LRP1B: variants seen among roughly 807,000 people sequenced by gnomAD.
LRP1B encodes low-density lipoprotein receptor-related protein 1B.
In LRP1B, 217 loss-of-function variants were observed where a neutral mutation model predicts 556.6. That is an observed-to-expected ratio of 0.39 (90% CI 0.35 to 0.44). The LOEUF (loss-of-function observed/expected upper bound fraction) is 0.44, where lower values mean the gene tolerates loss of function less well. Among genes scored for constraint, LRP1B ranks in the 20% least tolerant of loss-of-function variants. LRP1B has a pLI of 1.00. For synonymous variants in LRP1B, 2,047 were observed against 1,865.8 expected (o/e 1.10, Z -2.50); for missense variants, 5,053 against 5,620.8 (o/e 0.90, Z 3.23).
At position 141,170,264 on chromosome 2, in the gene LRP1B, G is replaced by A. The variant is rs1274225860; in HGVS notation, c.1013+18157C>T. Among the ~76,000 whole-genome samples, 6 of 152,146 alleles carry A rather than the reference G, an allele frequency of 3.9e-5. No homozygotes were observed. The South Asian group carries it at 1.2e-3, about 32-fold the overall frequency. On this transcript the variant is annotated intron_variant, in intron 7 of 90. Transcript: ENST00000389484. Reference sequence around the variant, plus strand: ...CTTTTGGCTAAAACGTGGCTCTCATGGCTCTACTTTCTCTAATAATCCCCT... The same window carrying A: ...CTTTTGGCTAAAACGTGGCTCTCATAGCTCTACTTTCTCTAATAATCCCCT...
At chr2:140,399,578 G>A (rs988525833) in intron 66 of LRP1B, among the ~76,000 whole-genome samples, 1 of 152,156 alleles carries the variant, frequency 6.6e-6, no homozygotes, top group Non-Finnish European at 1.5e-5. Context: ...GCTCTATGAA[G>A]AAAAGTACAT....
At chr2:141,612,858 A>G (rs1688154356) in intron 2 of LRP1B, among the ~76,000 whole-genome samples, 1 of 152,166 alleles carries the variant, frequency 6.6e-6, no homozygotes, top group Non-Finnish European at 1.5e-5. Flanking sequence ...GCTGGAGTGC[A>G]GTGGTGCAAT....
intron 7 of LRP1B, among the ~76,000 whole-genome samples, chr2:141,131,950 G>A (rs74460528): frequency 5.3e-5 from 8 of 151,676 alleles, no homozygotes; most frequent in Non-Finnish European, 1.0e-4. Context: ...AGCAGTATAC[G>A]TTGAACCCAA....
chr2:141,639,804 G>A (rs1689263931), intron 2 of LRP1B, among the ~76,000 whole-genome samples: 1 of 152,030 alleles, frequency 6.6e-6, no homozygotes, highest in African/African-American at 2.4e-5. Context: ...AAATTCTTAA[G>A]AGGCAGGATT....
rs375585057 is a variant in LRP1B at position 140,440,743 on chromosome 2, A to ATGTGTGTGTGTGTGTGTGTGTGTGTGTG, written c.10414+1760_10414+1761insCACACACACACACACACACACACACACA. Among the ~76,000 whole-genome samples, 243 of 150,594 alleles carry ATGTGTGTGTGTGTGTGTGTGTGTGTGTG rather than the reference A, an allele frequency of 1.6e-3. 1 individual carries two copies. The highest frequency in any genetic ancestry group is 5.5e-3 in the African/African-American group (226 of 41,012). ...CCTCCATCCTTGTCCCTCTGTATGT[A>ATGTGTGTGTGTGTGTGTGTGTGTGTGTG]TGTGTGTGTGTGTGTGTACACACAC... On this transcript the variant is annotated intron_variant, in intron 66 of 90. Coordinates refer to ENST00000389484, the MANE Select transcript of LRP1B (RefSeq NM_018557.3).
chr2:141,625,291 G>A (rs796148969), intron 2 of LRP1B, among the ~76,000 whole-genome samples: 6 of 152,196 alleles, frequency 3.9e-5, no homozygotes, highest in African/African-American at 1.4e-4. Context: ...ACATGGAATG[G>A]TACCTTGAGT....
chr2:141,899,300 T>A (rs1699549010), intron 1 of LRP1B, among the ~76,000 whole-genome samples: 1 of 152,108 alleles, frequency 6.6e-6, no homozygotes, highest in African/African-American at 2.4e-5. Context: ...TCTCGCAACA[T>A]AAGATTTTCT....
At chr2:141,462,544 A>T (rs978423074) in intron 3 of LRP1B, among the ~76,000 whole-genome samples, 1 of 152,164 alleles carries the variant, frequency 6.6e-6, no homozygotes, top group Non-Finnish European at 1.5e-5. Flanking sequence ...CCTAATGCAT[A>T]AAGAGCTTAA....
intron 25 of LRP1B, among the ~76,000 whole-genome samples, chr2:140,882,909 T>G (rs12691579): frequency 0.34 from 50,976 of 152,028 alleles, 8,744 homozygotes; most frequent in African/African-American, 0.4. Flanking sequence ...CCTAAAGAAT[T>G]CCTTTCTGCT....
chr2:140,992,370 G>C (rs1368152698), intron 16 of LRP1B, among the ~76,000 whole-genome samples: 1 of 152,148 alleles, frequency 6.6e-6, no homozygotes, highest in Admixed American at 6.6e-5. Flanking sequence ...ACCCATAGAG[G>C]AGGTCAGTTT....
chr2:141,339,586 AGC>A (rs1687980079), intron 3 of LRP1B, among the ~76,000 whole-genome samples: 1 of 152,152 alleles, frequency 6.6e-6, no homozygotes, highest in Non-Finnish European at 1.5e-5. Flanking sequence ...AATAATCATA[AGC>A]AGAGAGCAAA....
At chr2:140,746,092 G>A (rs995421076) in intron 35 of LRP1B, among the ~76,000 whole-genome samples, 1 of 152,060 alleles carries the variant, frequency 6.6e-6, no homozygotes, top group African/African-American at 2.4e-5. Context: ...GCACAATATG[G>A]GAAGTTGTCC....
At position 140,247,061 on chromosome 2, in the gene LRP1B, C is replaced by T. The variant is rs538221141; in HGVS notation, c.13324+25G>A. On this transcript the variant is annotated intron_variant, in intron 87 of 90. Transcript: ENST00000389484. ...TGATTTATATACAGTGTAGATTACCCAAAATATTAATCTGAGAAACTTACT... is the reference window on the plus strand; with the variant it reads ...TGATTTATATACAGTGTAGATTACCTAAAATATTAATCTGAGAAACTTACT... 9 of 1,566,834 alleles carry T rather than the reference C, an allele frequency of 5.7e-6. No homozygotes were observed. In the East Asian group the frequency reaches 1.8e-4, roughly 32 times the overall value.
intron 7 of LRP1B, among the ~76,000 whole-genome samples, chr2:141,161,778 A>G (rs1278587010): frequency 1.3e-5 from 2 of 151,972 alleles, no homozygotes; most frequent in East Asian, 3.9e-4. Flanking sequence ...TGATTCTTAA[A>G]CTCAGGATGC....
chr2:141,862,000 G>T (rs1312494871), intron 1 of LRP1B, among the ~76,000 whole-genome samples: 2 of 151,838 alleles, frequency 1.3e-5, no homozygotes, highest in African/African-American at 2.4e-5. Flanking sequence ...CTTTCATATT[G>T]TTACTTAGTC....
intron 1 of LRP1B, among the ~76,000 whole-genome samples, chr2:141,852,225 T>C (rs891410999): frequency 2.6e-5 from 4 of 151,798 alleles, no homozygotes; most frequent in African/African-American, 9.7e-5. Flanking sequence ...TGGGGTCTTA[T>C]ATTAGCACAA....
intron 10 of LRP1B, among the ~76,000 whole-genome samples, chr2:141,054,242 A>T (rs1699118344): frequency 6.6e-6 from 1 of 151,974 alleles, no homozygotes; most frequent in Non-Finnish European, 1.5e-5. Flanking sequence ...GACCAGAGAG[A>T]AAGGACTGAC....
chr2:142,036,888 C>T (rs1000970790), intron 1 of LRP1B, among the ~76,000 whole-genome samples: 1 of 151,600 alleles, frequency 6.6e-6, no homozygotes, highest in African/African-American at 2.4e-5. Flanking sequence ...CATTGTAATA[C>T]CTTTATTGTA....
chr2:140,457,284 T>G (rs1687142349), intron 61 of LRP1B, among the ~76,000 whole-genome samples, 179 bp downstream of exon 61: 1 of 152,222 alleles, frequency 6.6e-6, no homozygotes, highest in Admixed American at 6.5e-5. Context: ...GAGCTTCTAA[T>G]CATATGCCTT....
Sources: gnomAD v4.1 joint callset for allele counts (sites outside exome capture counted in the v4.1 genomes callset) on GRCh38, gnomAD v4.1.1 for gene constraint, MANE v1.5 for transcripts, NCBI Gene and HGNC (gene_info 2026-07-23, HGNC 2026-07-21) for gene names.